The following PRR5L variants were observed in gnomAD, a reference collection of about 807,000 sequenced individuals.
PRR5L encodes proline-rich protein 5-like.
In PRR5L, 21 loss-of-function variants were observed where a neutral mutation model predicts 36.4. The ratio of observed to expected loss-of-function variants is 0.58; its 90% CI spans 0.41 to 0.83. PRR5L has a LOEUF of 0.83. Among genes scored for constraint, PRR5L ranks in the 40% least tolerant of loss-of-function variants. The probability of loss-of-function intolerance (pLI) is 0.00; values close to 1 mark genes in which losing one functional copy is unlikely to be tolerated. For synonymous variants in PRR5L, 188 were observed against 197.0 expected, an observed-to-expected ratio of 0.95 and a Z score of 0.38; for missense variants, 381 against 473.3, an observed-to-expected ratio of 0.80 and a Z score of 1.81.
At chr11:36,305,026 T>C (rs955760997) in intron 1 of PRR5L, among the ~76,000 whole-genome samples, 1 of 152,172 alleles carries the variant, frequency 6.6e-6, no homozygotes, top group Non-Finnish European at 1.5e-5. Flanking sequence ...CTCATAGGTA[T>C]ATACTCAAGA....
At chr11:36,376,439 G>A (rs1857262973) in intron 1 of PRR5L, 1 of 1,148,660 alleles carries the variant, frequency 8.7e-7, no homozygotes, top group Non-Finnish European at 1.1e-6. Flanking sequence ...CTCCGCGGCC[G>A]AAGCGTTTGT....
chr11:36,309,724 C>T (rs73443131), intron 1 of PRR5L, among the ~76,000 whole-genome samples: 7,514 of 37,056 alleles, frequency 0.2, 626 homozygotes, highest in African/African-American at 0.4. Flanking sequence ...TTCCAGATCC[C>T]TCTCACTGGC....
intron 1 of PRR5L, among the ~76,000 whole-genome samples, chr11:36,315,974 T>C (rs1856551490): frequency 6.6e-6 from 1 of 152,192 alleles, no homozygotes; most frequent in Non-Finnish European, 1.5e-5. Context: ...CCTCCAGATG[T>C]CTGTTCATGG....
chr11:36,339,086 G>C (rs1477453335), intron 1 of PRR5L, among the ~76,000 whole-genome samples: 2 of 152,156 alleles, frequency 1.3e-5, no homozygotes, highest in Non-Finnish European at 2.9e-5. Flanking sequence ...TCAGCCATGT[G>C]GAACTGCAAG....
intron 1 of PRR5L, among the ~76,000 whole-genome samples, chr11:36,328,073 C>A (rs75881774): frequency 0.045 from 6,822 of 152,176 alleles, 501 homozygotes; most frequent in African/African-American, 0.15. Flanking sequence ...TTTCTGTCAA[C>A]ATGACAAAAG....
intron 4 of PRR5L, among the ~76,000 whole-genome samples, chr11:36,427,143 A>G (rs1858399039): frequency 6.6e-6 from 1 of 152,062 alleles, no homozygotes; most frequent in African/African-American, 2.4e-5. Flanking sequence ...CATTTTTCCT[A>G]GCTAAGCCTC....
At chr11:36,416,624 G>T (rs935663568) in intron 3 of PRR5L, among the ~76,000 whole-genome samples, 1 of 152,188 alleles carries the variant, frequency 6.6e-6, no homozygotes, top group Admixed American at 6.5e-5. Context: ...TTTCTGCTAA[G>T]TCTTTGTCTT....
intron 8 of PRR5L, chr11:36,454,240 G>GGAGGTGTTCCTTAGCCCAA (rs1470438512): frequency 1.3e-5 from 2 of 152,174 alleles, no homozygotes; most frequent in Admixed American, 6.5e-5. Flanking sequence ...GGACAGCCCA[G>GGAGGTGTTCCTTAGCCCAA]GAGGTGTTCC....
rs575424533 is a variant in PRR5L, at chr11:36,344,290, T to A, written c.-126+47852T>A. ...AATGTATGAAATAGTCTAATTCCACTACTCACAGAAAATCATGTTAAGTCT... is the reference window on the plus strand; with the variant it reads ...AATGTATGAAATAGTCTAATTCCACAACTCACAGAAAATCATGTTAAGTCT... On this transcript the variant is annotated intron_variant, in intron 1 of 8. Transcript: ENST00000530639. The surrounding 1 kb of genome is among the most constrained non-coding windows in gnomAD (Gnocchi z 4.1). Among the ~76,000 whole-genome samples, 7 of 152,316 alleles carry A rather than the reference T, an allele frequency of 4.6e-5. No individual in the cohort carries two copies. In the South Asian group the frequency reaches 1.5e-3, roughly 32 times the overall value.
At chr11:36,347,076 A>G (rs982273311) in intron 1 of PRR5L, among the ~76,000 whole-genome samples, 5 of 152,204 alleles carry the variant, frequency 3.3e-5, no homozygotes, top group African/African-American at 1.2e-4. Flanking sequence ...AACTTTGAAT[A>G]TCGTGTATGT....
intron 3 of PRR5L, among the ~76,000 whole-genome samples, chr11:36,418,085 T>G (rs535773214): frequency 1.3e-5 from 2 of 152,248 alleles, no homozygotes; most frequent in Non-Finnish European, 2.9e-5. Flanking sequence ...GAAATCATCT[T>G]GTGAGTATAT....
At chr11:36,396,606 C>T (rs1265642732) in intron 1 of PRR5L, among the ~76,000 whole-genome samples, 5 of 152,198 alleles carry the variant, frequency 3.3e-5, no homozygotes. Context: ...TCTTATGTAG[C>T]ACTTATTTGC....
intron 1 of PRR5L, among the ~76,000 whole-genome samples, chr11:36,307,820 T>C (rs952518041): frequency 6.6e-6 from 1 of 152,182 alleles, no homozygotes; most frequent in African/African-American, 2.4e-5. Context: ...GTTGAAAAAA[T>C]AAAAGTACTC....
intron 1 of PRR5L, among the ~76,000 whole-genome samples, chr11:36,360,910 A>G (rs148436642): frequency 1.9e-3 from 287 of 152,352 alleles, no homozygotes; most frequent in African/African-American, 6.5e-3. Flanking sequence ...GCAGTTCTCG[A>G]CATGTGGTCA....
At chr11:36,431,612 G>A (rs1028841985) in intron 4 of PRR5L, among the ~76,000 whole-genome samples, 2 of 152,102 alleles carry the variant, frequency 1.3e-5, no homozygotes, top group African/African-American at 4.8e-5. Flanking sequence ...CTCGTCTGAG[G>A]GATGAGGGTG....
intron 1 of PRR5L, among the ~76,000 whole-genome samples, chr11:36,351,957 G>C (rs1218148959): frequency 2.6e-5 from 4 of 151,376 alleles, no homozygotes; most frequent in Admixed American, 6.6e-5. Context: ...AGGATTATTA[G>C]ATCAAATGGT....
chr11:36,368,890 C>G (rs1032120288), intron 1 of PRR5L, among the ~76,000 whole-genome samples: 1 of 152,176 alleles, frequency 6.6e-6, no homozygotes, highest in Admixed American at 6.6e-5. Context: ...TTGATAGACA[C>G]TACCCACGAA....
chr11:36,309,771 G>C (rs922312662), intron 1 of PRR5L, among the ~76,000 whole-genome samples: 2 of 151,714 alleles, frequency 1.3e-5, no homozygotes, highest in African/African-American at 4.8e-5. Context: ...TTTTGTATGT[G>C]TGTTTTGGCA....
At chr11:36,332,092 A>G (rs184677098) in intron 1 of PRR5L, among the ~76,000 whole-genome samples, 1 of 152,202 alleles carries the variant, frequency 6.6e-6, no homozygotes, top group Non-Finnish European at 1.5e-5. Context: ...AGACGGGTTC[A>G]TTCTTATTTA....
Sources: allele counts gnomAD v4.1 joint callset (sites outside exome capture counted in the v4.1 genomes callset), GRCh38; gene constraint gnomAD v4.1.1; non-coding constraint Gnocchi (gnomAD v3.1); transcripts MANE v1.5; gene names NCBI Gene and HGNC (gene_info 2026-07-23, HGNC 2026-07-21).